PRDM10: variants seen among roughly 807,000 people sequenced by gnomAD.
PRDM10 encodes PR domain zinc finger protein 10.
Under a neutral mutation model 133.1 loss-of-function variants are expected in PRDM10, and 65 were observed. The ratio of observed to expected loss-of-function variants is 0.49; its 90% CI spans 0.40 to 0.60. The LOEUF (loss-of-function observed/expected upper bound fraction) is 0.60. Ranked by LOEUF, PRDM10 falls within the 20% of genes least tolerant of loss-of-function variation. The probability of loss-of-function intolerance (pLI) is 0.00; values close to 1 mark genes in which losing one functional copy is unlikely to be tolerated. For missense variants in PRDM10, 1,137 were observed against 1,507.1 expected, an observed-to-expected ratio of 0.75 and a Z score of 4.07; for synonymous variants, 582 against 580.4, an observed-to-expected ratio of 1.00 and a Z score of -0.04.
At chr11:129,987,864 A>G (rs12787219) in intron 1 of PRDM10, among the ~76,000 whole-genome samples, 37,061 of 152,026 alleles carry the variant, frequency 0.24, 6,893 homozygotes, top group East Asian at 0.57. Flanking sequence ...AACTGGGCGC[A>G]GTGGCAGGTG....
intron 11 of PRDM10, among the ~76,000 whole-genome samples, chr11:129,928,575 A>G (rs150802356): frequency 2.6e-4 from 39 of 151,698 alleles, no homozygotes; most frequent in Middle Eastern, 3.4e-3. Context: ...ATTTTTTTTT[A>G]GTAGAGACAG....
At chr11:129,994,452 C>A (rs1389468466) in intron 1 of PRDM10, among the ~76,000 whole-genome samples, 6 of 141,560 alleles carry the variant, frequency 4.2e-5, no homozygotes, top group African/African-American at 1.6e-4. Context: ...GGTGACACAG[C>A]GCAACTCTGC....
chr11:129,990,611 C>T (rs530717837), intron 1 of PRDM10, among the ~76,000 whole-genome samples: 1 of 150,760 alleles, frequency 6.6e-6, no homozygotes, highest in South Asian at 2.1e-4. Context: ...CCTATAAACA[C>T]GTTAATGTGG....
intron 1 of PRDM10, among the ~76,000 whole-genome samples, chr11:129,989,085 T>G (rs1938590275): frequency 6.6e-6 from 1 of 152,174 alleles, no homozygotes; most frequent in Non-Finnish European, 1.5e-5. Context: ...TTTATTCAAT[T>G]GGTCTACAGT....
intron 7 of PRDM10, among the ~76,000 whole-genome samples, chr11:129,941,164 T>C (rs76470075): frequency 0.012 from 1,844 of 152,334 alleles, 31 homozygotes; most frequent in African/African-American, 0.042. Context: ...CCATTTCTAA[T>C]TTGTACCATA....
In PRDM10 at chr11:129,899,974, T is replaced by C. The variant is rs2135687947; in HGVS notation, c.*2339A>G. On this transcript the variant is annotated 3_prime_UTR_variant, in exon 21 of 21. Transcript: ENST00000360871. Reference sequence around the variant, plus strand: ...CAAGAAGATCAAAACAATAGGTTTTTCCAGAATAACAGGAATTTTACATGA... The same window carrying C: ...CAAGAAGATCAAAACAATAGGTTTTCCCAGAATAACAGGAATTTTACATGA... The C allele has an allele frequency of 6.5e-6, 1 of 152,734 alleles. No individual in the cohort carries two copies. The highest frequency in any genetic ancestry group is 2.1e-4 in the South Asian group (1 of 4,828). 9.5% of individuals were successfully genotyped at this position (152,734 alleles called of 1,614,324 possible). A position where few individuals can be genotyped will look rare whatever the true frequency, so the allele number is the denominator to read the frequency against.
intron 1 of PRDM10, among the ~76,000 whole-genome samples, chr11:130,001,990 G>C (rs1939421408): frequency 6.6e-6 from 1 of 151,590 alleles, no homozygotes; most frequent in East Asian, 1.9e-4. Flanking sequence ...GCTAGCTTGG[G>C]AAGGCAGGCC....
At chr11:129,951,202 G>A (rs1005397848) in intron 4 of PRDM10, among the ~76,000 whole-genome samples, 4 of 152,212 alleles carry the variant, frequency 2.6e-5, no homozygotes, top group Non-Finnish European at 5.9e-5. Flanking sequence ...TGTTTACTGA[G>A]TGCTAGGCAG....
In PRDM10 at chr11:129,931,039, T is replaced by A; in HGVS notation, c.1507A>T (p.Met503Leu). Residue 503 changes from methionine (M) to leucine (L), a missense_variant, in exon 11 of 21, where the codon ATG (methionine) becomes TTG (leucine). Physicochemically the swap from Met to Leu is conservative, Grantham distance 15. This residue lies in a region of PRDM10 where 635 missense variants were observed against 835.2 expected (regional missense o/e 0.76). Coordinates refer to ENST00000360871, the MANE Select transcript of PRDM10 (RefSeq NM_199437.2). ...PTQSTLTADD[M>L]RRAKRIRNAA... ...ACTCGGATGCGCTTGGCTCTGCGCA[T>A]GTCGTCGGCTGTCAGCGTGCTCTGG... The A allele has an allele frequency of 6.2e-7, 1 of 1,613,580 alleles. No homozygotes were observed. The highest frequency in any genetic ancestry group is 8.5e-7 in the Non-Finnish European group (1 of 1,179,748).
At chr11:129,914,287 G>A (rs76060928) in intron 17 of PRDM10, among the ~76,000 whole-genome samples, 4,485 of 152,316 alleles carry the variant, frequency 0.029, 100 homozygotes, top group South Asian at 0.073. Context: ...ACAGGCATGA[G>A]CCACTGCGCC....
chr11:129,983,520 G>C (rs545108387), intron 1 of PRDM10, among the ~76,000 whole-genome samples: 2 of 151,576 alleles, frequency 1.3e-5, no homozygotes, highest in African/African-American at 4.9e-5. Flanking sequence ...GGATGCTCTC[G>C]ATCTCCTGAC....
intron 19 of PRDM10, among the ~76,000 whole-genome samples, chr11:129,909,131 C>G (rs1232424765): frequency 1.3e-5 from 2 of 152,052 alleles, no homozygotes; most frequent in Non-Finnish European, 2.9e-5. Flanking sequence ...AGACCCAGCC[C>G]TCAATGTGAC....
rs775572150 is a variant in PRDM10, at chr11:129,931,046, G to A, written c.1500C>T (p.Ala500=). 2.5e-6 allele frequency: 4 copies of A among 1,613,872 alleles called. No individual in the cohort carries two copies. The highest frequency in any genetic ancestry group is 2.2e-5 in the South Asian group (2 of 91,048). ...TGCGCTTGGCTCTGCGCATGTCGTC[G>A]GCTGTCAGCGTGCTCTGGGTGGGCA... ...SVVPTQSTLT[A]DDMRRAKRIR... is the part of the protein sequence containing the mutation. Residue 500 remains alanine, a synonymous_variant, in exon 11 of 21, where the codon GCC becomes GCT. Transcript: ENST00000360871.
At chr11:129,930,575 G>A (rs1565471139) in intron 11 of PRDM10, among the ~76,000 whole-genome samples, 1 of 152,198 alleles carries the variant, frequency 6.6e-6, no homozygotes, top group East Asian at 1.9e-4. Flanking sequence ...ACATTGATGA[G>A]TAATGACATT....
chr11:129,935,311 G>A, intron 8 of PRDM10, 93 bp from the exon 9 acceptor site: 1 of 901,120 alleles, frequency 1.1e-6, no homozygotes, highest in Non-Finnish European at 1.8e-6. Flanking sequence ...TTATCTTGCT[G>A]CAGCCCAAAG....
At chr11:129,976,915 A>C (rs1346318478) in intron 1 of PRDM10, among the ~76,000 whole-genome samples, 3 of 152,146 alleles carry the variant, frequency 2.0e-5, no homozygotes, top group Admixed American at 1.3e-4. Flanking sequence ...TAAAAGATTA[A>C]CAACCAACCA....
chr11:129,913,394 C>A (rs1950255027), intron 17 of PRDM10, among the ~76,000 whole-genome samples: 6 of 151,988 alleles, frequency 3.9e-5, no homozygotes, highest in Admixed American at 3.9e-4. Flanking sequence ...CACACATAAG[C>A]CACTATTAGA....
chr11:129,902,645 G>A (rs1949878563), intron 20 of PRDM10, 129 bp from the exon 21 acceptor site: 1 of 1,389,182 alleles, frequency 7.2e-7, no homozygotes, highest in Admixed American at 2.7e-5. Context: ...GAGATGCTTT[G>A]CCTAGGTCCT....
chr11:129,957,629 C>T (rs1951721015), intron 3 of PRDM10, 117 bp downstream of exon 3: 1 of 1,300,140 alleles, frequency 7.7e-7, no homozygotes, highest in Non-Finnish European at 1.0e-6. Context: ...GAGCACAGAT[C>T]TTATCTGAAT....
Sources: allele counts gnomAD v4.1 joint callset (sites outside exome capture counted in the v4.1 genomes callset), GRCh38; gene constraint gnomAD v4.1.1; regional missense constraint gnomAD v4.1.1; transcripts MANE v1.5; gene names NCBI Gene and HGNC (gene_info 2026-07-23, HGNC 2026-07-21).